KHDRBS2: variants seen among roughly 807,000 people sequenced by gnomAD.
KHDRBS2 encodes the protein KH RNA binding domain containing, signal transduction associated 2, also known as KH domain-containing, RNA-binding, signal transduction-associated protein 2.
KHDRBS2 carries 26 observed loss-of-function variants against 44.3 expected under a neutral mutation model. That is an observed-to-expected ratio of 0.59 (90% CI 0.43 to 0.81). The LOEUF is 0.81. Among genes scored for constraint, KHDRBS2 ranks in the 40% least tolerant of loss-of-function variants. The pLI is 0.00. For synonymous variants in KHDRBS2, 194 were observed against 151.1 expected (o/e 1.28, Z -2.08); for missense variants, 476 against 433.1 (o/e 1.10, Z -0.88).
intron 4 of KHDRBS2, among the ~76,000 whole-genome samples, chr6:61,950,137 T>A (rs1359956775): frequency 3.9e-5 from 6 of 152,054 alleles, no homozygotes; most frequent in Admixed American, 6.6e-5. Flanking sequence ...GGCAAGTTTA[T>A]TGGGTGACAG....
At chr6:61,997,722 T>A (rs114436488) in intron 3 of KHDRBS2, among the ~76,000 whole-genome samples, 4 of 152,198 alleles carry the variant, frequency 2.6e-5, no homozygotes, top group African/African-American at 9.7e-5. Context: ...GCATCATATA[T>A]ACTGACTCTG....
At chr6:61,564,665 A>G in the KHDRBS2 span, among the ~76,000 whole-genome samples, 32,148 of 151,980 alleles carry the variant, frequency 0.21, 3,673 homozygotes, top group East Asian at 0.29. Flanking sequence ...TCTGTTGCTC[A>G]TTTATTAAGG....
At chr6:61,668,413 T>C in the KHDRBS2 span, among the ~76,000 whole-genome samples, 1 of 151,066 alleles carries the variant, frequency 6.6e-6, no homozygotes, top group African/African-American at 2.4e-5. Context: ...TCCAAAATGA[T>C]AAAAGAAAAA....
At chr6:62,123,180 A>T (rs1484526655) in intron 2 of KHDRBS2, among the ~76,000 whole-genome samples, 1 of 152,184 alleles carries the variant, frequency 6.6e-6, no homozygotes, top group Admixed American at 6.5e-5. Flanking sequence ...TAGTTTGCTA[A>T]GAATGATGGT....
At chr6:61,848,552 C>CACAT (rs1554236868) in intron 6 of KHDRBS2, among the ~76,000 whole-genome samples, 1 of 37,250 alleles carries the variant, frequency 2.7e-5, no homozygotes, top group African/African-American at 1.1e-4. Context: ...TATATATATA[C>CACAT]ATATATATAT....
chr6:62,068,778 G>A (rs1211653898), intron 2 of KHDRBS2, among the ~76,000 whole-genome samples: 1 of 151,348 alleles, frequency 6.6e-6, no homozygotes. Flanking sequence ...AATGATCTTG[G>A]CATTATTATA....
intron 4 of KHDRBS2, among the ~76,000 whole-genome samples, chr6:61,914,179 A>T (rs549656236): frequency 2.0e-5 from 3 of 152,048 alleles, no homozygotes; most frequent in Non-Finnish European, 4.4e-5. Flanking sequence ...TACCAGTACC[A>T]TTATAAGTGG....
At chr6:62,256,680 A>G (rs1234874884) in intron 1 of KHDRBS2, among the ~76,000 whole-genome samples, 1 of 152,062 alleles carries the variant, frequency 6.6e-6, no homozygotes, top group Non-Finnish European at 1.5e-5. Flanking sequence ...ACTTTAGAAG[A>G]ATTTAAATTA....
At chr6:61,955,004 ATATG>A (rs1276981854) in intron 4 of KHDRBS2, among the ~76,000 whole-genome samples, 11 of 144,156 alleles carry the variant, frequency 7.6e-5, no homozygotes, top group African/African-American at 2.3e-4. Flanking sequence ...ATAGACATAC[ATATG>A]TATGTATACA....
chr6:62,220,337 C>T (rs1254022423), intron 1 of KHDRBS2, among the ~76,000 whole-genome samples: 1 of 151,780 alleles, frequency 6.6e-6, no homozygotes, highest in East Asian at 1.9e-4. Flanking sequence ...GGACAAAGCA[C>T]AGCAATGAAA....
chr6:62,099,161 T>G (rs1801302392), intron 2 of KHDRBS2, among the ~76,000 whole-genome samples: 1 of 152,162 alleles, frequency 6.6e-6, no homozygotes, highest in African/African-American at 2.4e-5. Context: ...ATTAGGTCTG[T>G]GGGGTGAGGT....
At chr6:62,085,887 T>TG (rs1464876925) in intron 2 of KHDRBS2, among the ~76,000 whole-genome samples, 1 of 152,082 alleles carries the variant, frequency 6.6e-6, no homozygotes, top group African/African-American at 2.4e-5. Context: ...GGGTTAAGAT[T>TG]GGGAAAAAGA....
At chr6:61,842,661 T>C (rs1241422338) in intron 6 of KHDRBS2, among the ~76,000 whole-genome samples, 1 of 152,150 alleles carries the variant, frequency 6.6e-6, no homozygotes, top group Non-Finnish European at 1.5e-5. Context: ...ATAGTGCAGC[T>C]GCTTTATGAA....
At chr6:62,178,137 C>T (rs151027797) in intron 1 of KHDRBS2, among the ~76,000 whole-genome samples, 104 of 151,372 alleles carry the variant, frequency 6.9e-4, no homozygotes, top group African/African-American at 2.4e-3. Flanking sequence ...ATAATAAACA[C>T]AATATGCTGT....
At chr6:62,240,423 G>C (rs1216312763) in intron 1 of KHDRBS2, among the ~76,000 whole-genome samples, 1 of 151,768 alleles carries the variant, frequency 6.6e-6, no homozygotes, top group Non-Finnish European at 1.5e-5. Flanking sequence ...CAAAAATTAA[G>C]TTGTGGGTAC....
At chr6:61,689,543 C>A (rs1561972677) in intron 8 of KHDRBS2, among the ~76,000 whole-genome samples, 1 of 151,920 alleles carries the variant, frequency 6.6e-6, no homozygotes. Flanking sequence ...TCTCTCCAAT[C>A]TTCTCAGAAG....
intron 2 of KHDRBS2, among the ~76,000 whole-genome samples, chr6:62,082,797 A>G (rs186824363): frequency 6.6e-6 from 1 of 152,262 alleles, no homozygotes; most frequent in East Asian, 1.9e-4. Flanking sequence ...AAAAGCTTTC[A>G]CGCTTTTGGA....
chr6:61,704,888 C>CT (rs1769261113), intron 7 of KHDRBS2, among the ~76,000 whole-genome samples: 1 of 151,814 alleles, frequency 6.6e-6, no homozygotes, highest in East Asian at 1.9e-4. Context: ...TGAACTTGGG[C>CT]TTTTTTGTTA....
intron 1 of KHDRBS2, among the ~76,000 whole-genome samples, chr6:62,200,987 A>T (rs990224782): frequency 5.3e-5 from 8 of 152,192 alleles, no homozygotes; most frequent in Non-Finnish European, 8.8e-5. Context: ...TCGCAAGGAC[A>T]AAAAACCAAA....
Sources: gnomAD v4.1 joint callset for allele counts (sites outside exome capture counted in the v4.1 genomes callset) on GRCh38, gnomAD v4.1.1 for gene constraint, MANE v1.5 for transcripts, NCBI Gene and HGNC (gene_info 2026-07-23, HGNC 2026-07-21) for gene names.